The following THUMPD2 variants were observed in gnomAD, a reference collection of about 807,000 sequenced individuals.
The protein encoded by THUMPD2 is U6 snRNA (guanine-N(2))-methyltransferase THUMPD2.
Under a neutral mutation model 49.4 loss-of-function variants are expected in THUMPD2, and 56 were observed. That is an observed-to-expected ratio of 1.13 (90% CI 0.91 to 1.41). The LOEUF is 1.41. Ranked by LOEUF, THUMPD2 falls within the 40% of genes most tolerant of loss-of-function variation. The probability of loss-of-function intolerance (pLI) is 0.00; values close to 1 mark genes in which losing one functional copy is unlikely to be tolerated. For missense variants in THUMPD2, 709 were observed against 594.5 expected (o/e 1.19, Z -2.00); for synonymous variants, 237 against 205.2 (o/e 1.15, Z -1.32).
In THUMPD2 at chr2:39,771,627, G is replaced by A; in HGVS notation, c.140C>T (p.Ser47Leu). The change falls in exon 2 of 10, where the codon TCA becomes TTA. Residue 47 changes from serine (S) to leucine (L), a missense_variant. Physicochemically the swap from Ser to Leu is moderately radical, Grantham distance 145 (BLOSUM62 -2). Transcript: ENST00000505747. ...ACAGGTGGTGAAAAAAACCTTTCCTGAAATATATTCAACCTAGAAATAGAA... is the reference window on the plus strand; with the variant it reads ...ACAGGTGGTGAAAAAAACCTTTCCTAAAATATATTCAACCTAGAAATAGAA... Reference protein sequence around the residue: ...RLAATQVEYISGKVFFTTCSD... With the variant: ...RLAATQVEYILGKVFFTTCSD... 6.2e-7 allele frequency: 1 copy of A among 1,601,806 alleles called. No individual in the cohort carries two copies. Among genetic ancestry groups the A allele is most frequent in the South Asian group, 1.1e-5 (1 of 87,736 alleles).
intron 8 of THUMPD2, among the ~76,000 whole-genome samples, chr2:39,749,085 C>T (rs1675032057): frequency 6.6e-6 from 1 of 152,030 alleles, no homozygotes; most frequent in African/African-American, 2.4e-5. Flanking sequence ...ATGGGTATAA[C>T]ATTAAATTTC....
Position 39,736,930 on chromosome 2 carries a change from T to A in THUMPD2, c.1317A>T (p.Lys439Asn). 1 of 1,614,168 alleles carries A rather than the reference T, an allele frequency of 6.2e-7. No homozygotes were observed. Among genetic ancestry groups the A allele is most frequent in the Non-Finnish European group, 8.5e-7 (1 of 1,180,014 alleles). Residue 439 changes from lysine to asparagine, a missense_variant, in exon 10 of 10, where the codon AAA (lysine) becomes AAT (asparagine). Transcript: ENST00000505747. ...KDSHTDEPGIKKCLNPEEKTG... is the reference protein window; with the variant it reads ...KDSHTDEPGINKCLNPEEKTG... Reference sequence around the variant, plus strand: ...TTTTTTCTTCAGGATTCAAGCACTTTTTAATTCCAGGTTCATCTGTGTGAC... The same window carrying A: ...TTTTTTCTTCAGGATTCAAGCACTTATTAATTCCAGGTTCATCTGTGTGAC...
At chr2:39,755,774 A>C in intron 7 of THUMPD2, 115 bp downstream of exon 7, 1 of 821,978 alleles carries the variant, frequency 1.2e-6, no homozygotes, top group Non-Finnish European at 1.9e-6. Context: ...ATAATAACTC[A>C]TATAATTAAA....
intron 5 of THUMPD2, among the ~76,000 whole-genome samples, chr2:39,765,601 T>A (rs1396619295): frequency 6.6e-6 from 1 of 152,152 alleles, no homozygotes; most frequent in Non-Finnish European, 1.5e-5. Context: ...GTCTTGGTGA[T>A]CATCAATAAT....
intron 8 of THUMPD2, among the ~76,000 whole-genome samples, chr2:39,750,499 G>A (rs1675252196): frequency 6.6e-6 from 1 of 152,100 alleles, no homozygotes; most frequent in South Asian, 2.1e-4. Flanking sequence ...CTGAGCTCAG[G>A]AGTTTGCGAC....
chr2:39,757,186 T>A, intron 6 of THUMPD2: 1 of 376,626 alleles, frequency 2.7e-6, no homozygotes, highest in South Asian at 2.1e-5. Flanking sequence ...ACTATGAGGT[T>A]CTGGGCAGAC....
chr2:39,749,670 A>G (rs2110656), intron 8 of THUMPD2, among the ~76,000 whole-genome samples: 88,369 of 151,916 alleles, frequency 0.58, 27,013 homozygotes, highest in African/African-American at 0.76. Context: ...TAATGTGTGT[A>G]CCGTGGTGGT....
chr2:39,738,295 G>A (rs1376011452), intron 9 of THUMPD2, among the ~76,000 whole-genome samples: 1 of 152,156 alleles, frequency 6.6e-6, no homozygotes, highest in African/African-American at 2.4e-5. Flanking sequence ...CGGCATGGTG[G>A]CTCACACCTG....
Position 39,761,317 on chromosome 2 carries a change from A to G in THUMPD2, c.891+14T>C, listed in dbSNP as rs758119106. ...GAACCTTGCTATTAACAGGAAGGAA[A>G]ACATTTTTCTTACCTTAATGTCAGC... is the stretch of plus-strand genomic sequence containing the variant. On this transcript the variant is annotated intron_variant, in intron 6 of 9. Transcript: ENST00000505747. 6.2e-7 allele frequency: 1 copy of G among 1,612,686 alleles called. No individual in the cohort carries two copies. The highest frequency in any genetic ancestry group is 8.5e-7 in the Non-Finnish European group (1 of 1,178,762).
At chr2:39,768,930 A>T (rs910401957) in intron 3 of THUMPD2, 53 of 1,303,230 alleles carry the variant, frequency 4.1e-5, no homozygotes, top group Non-Finnish European at 5.3e-5. Context: ...TTTAAGGTTG[A>T]TAAAGTATTC....
intron 6 of THUMPD2, among the ~76,000 whole-genome samples, chr2:39,758,173 G>A (rs1398255095): frequency 1.3e-5 from 2 of 152,112 alleles, no homozygotes; most frequent in Non-Finnish European, 2.9e-5. Context: ...ATGTGTAGGT[G>A]ATTATATAAA....
intron 7 of THUMPD2, 108 bp from the exon 8 acceptor site, chr2:39,755,517 T>C (rs904778159): frequency 1.4e-6 from 1 of 719,668 alleles, no homozygotes; most frequent in Non-Finnish European, 2.2e-6. Flanking sequence ...TAGTAGATTT[T>C]AAATTCAGGT....
intron 8 of THUMPD2, among the ~76,000 whole-genome samples, chr2:39,747,128 G>A (rs1178473831): frequency 6.6e-6 from 1 of 152,172 alleles, no homozygotes; most frequent in African/African-American, 2.4e-5. Context: ...TTGTCCTTAA[G>A]ATGATGTTTT....
At chr2:39,767,895 T>C (rs1434618088) in intron 4 of THUMPD2, among the ~76,000 whole-genome samples, 2 of 152,146 alleles carry the variant, frequency 1.3e-5, no homozygotes, top group Admixed American at 1.3e-4. Context: ...GTCAACTTTA[T>C]AAGATGGCTT....
At chr2:39,761,203 A>G (rs1220425848) in intron 6 of THUMPD2, 128 bp downstream of exon 6, 7 of 767,364 alleles carry the variant, frequency 9.1e-6, no homozygotes, top group Non-Finnish European at 1.5e-5. Flanking sequence ...GGCAAAAAGA[A>G]AAGAAGTTAA....
At chr2:39,764,020 AG>A (rs1306045224) in intron 5 of THUMPD2, among the ~76,000 whole-genome samples, 1 of 152,150 alleles carries the variant, frequency 6.6e-6, no homozygotes, top group Non-Finnish European at 1.5e-5. Context: ...CTTTGCACAG[AG>A]ATTCCTTGCC....
At chr2:39,777,405 G>T (rs1679262474) in intron 1 of THUMPD2, among the ~76,000 whole-genome samples, 1 of 152,200 alleles carries the variant, frequency 6.6e-6, no homozygotes, top group South Asian at 2.1e-4. Flanking sequence ...TGGTAATTTA[G>T]CCTAGTGGTA....
At chr2:39,770,857 C>T (rs1678212034) in intron 2 of THUMPD2, among the ~76,000 whole-genome samples, 1 of 152,042 alleles carries the variant, frequency 6.6e-6, no homozygotes, top group Non-Finnish European at 1.5e-5. Context: ...TTATTATAGG[C>T]TATAAATACA....
In THUMPD2 at chr2:39,736,510, A is replaced by G. The variant is rs1411650286; in HGVS notation, c.*225T>C. On this transcript the variant is annotated 3_prime_UTR_variant, in exon 10 of 10. Transcript: ENST00000505747. The stretch of plus-strand genomic sequence containing the variant: ...ACATTCTGACAGAAGATAAAACTTA[A>G]GTCTAAAAAATATTCGATAACTTTT... The G allele has an allele frequency of 2.5e-6, 1 of 406,468 alleles. No individual in the cohort carries two copies. The highest frequency in any genetic ancestry group is 4.3e-6 in the Non-Finnish European group (1 of 230,048). The allele number at this position is 406,468 out of a possible 1,614,324, so 25.2% of individuals were successfully genotyped here. A position where few individuals can be genotyped will look rare whatever the true frequency, so the allele number is the denominator to read the frequency against.
Sources: gnomAD v4.1 joint callset for allele counts (sites outside exome capture counted in the v4.1 genomes callset) on GRCh38, gnomAD v4.1.1 for gene constraint, MANE v1.5 for transcripts, NCBI Gene and HGNC (gene_info 2026-07-23, HGNC 2026-07-21) for gene names.